CUX1: variants seen among roughly 807,000 people sequenced by gnomAD.
CUX1 encodes protein CASP.
A neutral mutation model predicts 158.8 loss-of-function variants in CUX1; 31 were observed. The observed-to-expected ratio is 0.20, with a 90% CI of 0.15 to 0.26. The LOEUF is 0.26. Among genes scored for constraint, CUX1 ranks in the 10% least tolerant of loss-of-function variants. The pLI is 1.00. For missense variants in CUX1, 1,589 were observed against 2,014.6 expected, an observed-to-expected ratio of 0.79 and a Z score of 4.04; for synonymous variants, 879 against 862.1, an observed-to-expected ratio of 1.02 and a Z score of -0.34.
At chr7:102,120,391 A>G (rs1048302089) in intron 8 of CUX1, among the ~76,000 whole-genome samples, 1 of 152,226 alleles carries the variant, frequency 6.6e-6, no homozygotes, top group Non-Finnish European at 1.5e-5. Flanking sequence ...TCGCACTGAA[A>G]TACTACATTT....
At chr7:101,826,959 G>C (rs62463718) in intron 1 of CUX1, among the ~76,000 whole-genome samples, 26,058 of 152,032 alleles carry the variant, frequency 0.17, 2,444 homozygotes, top group Middle Eastern at 0.34. Context: ...GTGAAAGCAG[G>C]TAGATTATAT....
chr7:102,133,319 A>C (rs1554497924), intron 8 of CUX1, among the ~76,000 whole-genome samples: 2 of 151,772 alleles, frequency 1.3e-5, no homozygotes, highest in African/African-American at 4.8e-5. Context: ...TGACAAGCTG[A>C]TCCTGCCCTG....
At chr7:102,204,351 A>C in intron 18 of CUX1, 40 bp from the exon 19 acceptor site, 1 of 1,606,628 alleles carries the variant, frequency 6.2e-7, no homozygotes, top group Non-Finnish European at 8.5e-7. Flanking sequence ...TCATGCTAAT[A>C]GCCAGGCACT....
chr7:101,873,575 G>A (rs1181966922), intron 1 of CUX1, among the ~76,000 whole-genome samples: 2 of 152,072 alleles, frequency 1.3e-5, no homozygotes, highest in African/African-American at 2.4e-5. Context: ...AAACATTTTA[G>A]GTTTCTCTAC....
intron 1 of CUX1, among the ~76,000 whole-genome samples, chr7:101,840,448 G>A (rs944570196): frequency 2.0e-5 from 3 of 152,108 alleles, no homozygotes; most frequent in Non-Finnish European, 2.9e-5. Context: ...ATAAATAGGC[G>A]TTATCCTCTT....
intron 1 of CUX1, among the ~76,000 whole-genome samples, chr7:101,870,408 G>A (rs1011357364): frequency 3.9e-5 from 6 of 151,966 alleles, no homozygotes; most frequent in African/African-American, 1.5e-4. Flanking sequence ...CTGGCCTCAA[G>A]CAATTCACCC....
At position 102,257,039 on chromosome 7, in the gene CUX1, C is replaced by G; in HGVS notation, c.*7997C>G. The G allele has an allele frequency of 1.0e-6, 1 of 985,388 alleles. No individual in the cohort carries two copies. The highest frequency in any genetic ancestry group is 1.2e-6 in the Non-Finnish European group (1 of 829,966). 61.0% of individuals were successfully genotyped at this position (985,388 alleles called of 1,614,324 possible). On this transcript the variant is annotated 3_prime_UTR_variant, in exon 24 of 24. Transcript: ENST00000292535. ...GAAGGTTGGGTGTGGAGATTGCTTG[C>G]TGTGGCCCCAAGCTCAGCCAGCAGG...
intron 6 of CUX1, among the ~76,000 whole-genome samples, chr7:102,109,743 A>G (rs782416975): frequency 1.3e-5 from 2 of 151,652 alleles, no homozygotes; most frequent in Non-Finnish European, 2.9e-5. Flanking sequence ...AGATCATGCC[A>G]TTGCTCTCCA....
chr7:102,069,033 C>G (rs893877124), intron 3 of CUX1, among the ~76,000 whole-genome samples: 2 of 152,190 alleles, frequency 1.3e-5, no homozygotes, highest in Non-Finnish European at 2.9e-5. Flanking sequence ...ATCCCCGGGA[C>G]CGTCCTCAAT....
chr7:102,230,328 TAA>T (rs1563452661), intron 21 of CUX1, among the ~76,000 whole-genome samples: 24 of 150,660 alleles, frequency 1.6e-4, no homozygotes, highest in African/African-American at 4.2e-4. Flanking sequence ...AAAAATTTTT[TAA>T]AAATTATTAT....
intron 3 of CUX1, among the ~76,000 whole-genome samples, chr7:102,031,225 A>T (rs1820752085): frequency 6.6e-6 from 1 of 151,862 alleles, no homozygotes; most frequent in Non-Finnish European, 1.5e-5. Context: ...CGCCCAGCTA[A>T]TTTTTGTATT....
At chr7:102,212,885 AC>A (rs1481267002) in intron 20 of CUX1, among the ~76,000 whole-genome samples, 2 of 152,154 alleles carry the variant, frequency 1.3e-5, no homozygotes, top group Non-Finnish European at 2.9e-5. Flanking sequence ...TCGCTCTGTC[AC>A]CCAGGCTGGA....
intron 9 of CUX1, chr7:102,160,994 A>G (rs1790371428): frequency 6.6e-6 from 1 of 152,200 alleles, no homozygotes; most frequent in African/African-American, 2.4e-5. Flanking sequence ...AAGGAAGGGA[A>G]TTTAGCTAAT....
intron 2 of CUX1, among the ~76,000 whole-genome samples, chr7:101,931,732 T>C (rs1806317346): frequency 6.6e-6 from 1 of 152,102 alleles, no homozygotes; most frequent in South Asian, 2.1e-4. Flanking sequence ...TCTGACTGAT[T>C]TTTGTATTTG....
intron 20 of CUX1, among the ~76,000 whole-genome samples, chr7:102,209,845 T>G (rs1456187227): frequency 6.6e-6 from 1 of 152,180 alleles, no homozygotes; most frequent in Non-Finnish European, 1.5e-5. Flanking sequence ...GAGTGTGGCC[T>G]TCTTATCATT....
At chr7:102,208,744 C>T (rs1210080205) in intron 20 of CUX1, among the ~76,000 whole-genome samples, 1 of 152,164 alleles carries the variant, frequency 6.6e-6, no homozygotes, top group Non-Finnish European at 1.5e-5. Flanking sequence ...CCCATGGCTA[C>T]CCCAGAATCC....
chr7:102,143,729 CAG>C (rs1319581730), intron 8 of CUX1, among the ~76,000 whole-genome samples: 1 of 152,206 alleles, frequency 6.6e-6, no homozygotes, highest in Non-Finnish European at 1.5e-5. Flanking sequence ...CTAAAGTTAG[CAG>C]AGTCTGGCAT....
chr7:102,182,282 G>C (rs147408682), intron 11 of CUX1, among the ~76,000 whole-genome samples: 71 of 152,284 alleles, frequency 4.7e-4, no homozygotes, highest in Middle Eastern at 3.4e-3. Context: ...AAGGCTTATT[G>C]GGCAGAATCT....
chr7:102,059,179 G>A (rs1414765368), intron 3 of CUX1, among the ~76,000 whole-genome samples: 1 of 152,222 alleles, frequency 6.6e-6, no homozygotes, highest in Non-Finnish European at 1.5e-5. Context: ...ACTTGGAAGG[G>A]CTTTGTAAAC....
Sources: allele counts gnomAD v4.1 joint callset (sites outside exome capture counted in the v4.1 genomes callset), GRCh38; gene constraint gnomAD v4.1.1; transcripts MANE v1.5; gene names NCBI Gene and HGNC (gene_info 2026-07-23, HGNC 2026-07-21).